CLGN: variants seen among roughly 807,000 people sequenced by gnomAD.
The protein encoded by CLGN is testis tissue sperm-binding protein Li 79P.
Under a neutral mutation model 79.1 loss-of-function variants are expected in CLGN, and 62 were observed. That is an observed-to-expected ratio of 0.78 (90% confidence interval 0.64 to 0.97). The LOEUF (loss-of-function observed/expected upper bound fraction) is 0.97, where lower values mean the gene tolerates loss of function less well. Among genes scored for constraint, CLGN ranks in the 50% least tolerant of loss-of-function variants. CLGN has a pLI of 0.00. For synonymous variants in CLGN, 225 were observed against 224.7 expected (o/e 1.00, Z -0.01); for missense variants, 647 against 715.5 (o/e 0.90, Z 1.09).
At chr4:140,397,048 A>C (rs1728904803) in intron 8 of CLGN, among the ~76,000 whole-genome samples, 2 of 150,878 alleles carry the variant, frequency 1.3e-5, no homozygotes, top group South Asian at 4.2e-4. Context: ...AAATTTTACT[A>C]TTATTAATAC....
chr4:140,396,311 C>T, intron 8 of CLGN, 106 bp from the exon 9 acceptor site: 1 of 1,000,640 alleles, frequency 1.0e-6, no homozygotes, highest in South Asian at 1.5e-5. Flanking sequence ...TTTGTTTGTG[C>T]CTGTTATTTG....
intron 10 of CLGN, among the ~76,000 whole-genome samples, chr4:140,394,969 G>T (rs1728843388): frequency 6.6e-6 from 1 of 151,972 alleles, no homozygotes; most frequent in South Asian, 2.1e-4. Context: ...ATCACGGTCA[G>T]GAGTTCGAGA....
rs1466795892 is a variant in CLGN at position 140,395,884 on chromosome 4, T to C, written c.1084A>G (p.Met362Val). The change falls in exon 10 of 15, where the codon ATG becomes GTG. Residue 362 changes from methionine (M) to valine (V), a missense_variant. Transcript: ENST00000325617. ...CCTTTGTATTTTGGGTTATCTATCA[T>C]GGGAGGTTTCCACTCACCACACCCA... ...RIGCGEWKPP[M>V]IDNPKYKGVW... 6.3e-7 allele frequency: 1 copy of C among 1,599,998 alleles called. No homozygotes were observed. Among genetic ancestry groups the C allele is most frequent in the Middle Eastern group, 1.7e-4 (1 of 5,976 alleles).
intron 1 of CLGN, among the ~76,000 whole-genome samples, chr4:140,425,622 C>CTTTTTTT (rs60198755): frequency 1.0e-3 from 100 of 97,174 alleles, no homozygotes; most frequent in Non-Finnish European, 1.3e-3. Flanking sequence ...TTTGTAATTC[C>CTTTTTTT]TTTTTTTTTT....
intron 1 of CLGN, among the ~76,000 whole-genome samples, chr4:140,423,352 T>C (rs72716380): frequency 2.0e-5 from 3 of 152,370 alleles, no homozygotes; most frequent in Non-Finnish European, 2.9e-5. Context: ...GATTTTCTTA[T>C]GTTGAATCAT....
chr4:140,414,989 A>T (rs1480262547), intron 1 of CLGN, among the ~76,000 whole-genome samples: 14 of 151,670 alleles, frequency 9.2e-5, no homozygotes, highest in Non-Finnish European at 2.1e-4. Context: ...CCATCAGACT[A>T]ACAGCGGATC....
chr4:140,390,508 C>T (rs1158460717), intron 14 of CLGN, 120 bp downstream of exon 14: 1 of 536,432 alleles, frequency 1.9e-6, no homozygotes, highest in Non-Finnish European at 3.2e-6. Context: ...AATATAGAGG[C>T]TCTTATAAAA....
intron 11 of CLGN, 150 bp downstream of exon 11, chr4:140,393,676 C>G: frequency 1.5e-6 from 1 of 655,694 alleles, no homozygotes; most frequent in Non-Finnish European, 2.5e-6. Flanking sequence ...AATATTCTGT[C>G]TACATAAACT....
chr4:140,396,938 T>TATATATATATAC (rs1728903078), intron 8 of CLGN, among the ~76,000 whole-genome samples: 1 of 143,722 alleles, frequency 7.0e-6, no homozygotes, highest in Admixed American at 7.3e-5. Flanking sequence ...TATATATATA[T>TATATATATATAC]ACACATAGCT....
At chr4:140,406,658 A>T (rs1364889642) in intron 4 of CLGN, among the ~76,000 whole-genome samples, 1 of 152,226 alleles carries the variant, frequency 6.6e-6, no homozygotes, top group East Asian at 1.9e-4. Context: ...GCAGCAAAGC[A>T]CTGCATAAGT....
At chr4:140,419,969 T>C (rs1482554926) in intron 1 of CLGN, among the ~76,000 whole-genome samples, 5 of 152,160 alleles carry the variant, frequency 3.3e-5, no homozygotes, top group Admixed American at 6.5e-5. Context: ...CCATGTTACA[T>C]AGTAAAAGGC....
intron 4 of CLGN, among the ~76,000 whole-genome samples, chr4:140,407,688 C>G (rs2126626132): frequency 6.6e-6 from 1 of 150,734 alleles, no homozygotes; most frequent in South Asian, 2.1e-4. Context: ...TCATAGATGA[C>G]ACAAACAAAT....
chr4:140,415,606 G>A (rs1222120098), intron 1 of CLGN, among the ~76,000 whole-genome samples: 5 of 150,412 alleles, frequency 3.3e-5, no homozygotes, highest in African/African-American at 1.2e-4. Flanking sequence ...GACAAAGAAG[G>A]CCATTACATA....
At chr4:140,396,268 C>G in intron 8 of CLGN, 63 bp from the exon 9 acceptor site, 7 of 1,241,626 alleles carry the variant, frequency 5.6e-6, no homozygotes, top group Non-Finnish European at 8.2e-6. Flanking sequence ...TGTTACAACA[C>G]TAAGAAGGTA....
chr4:140,414,271 G>C lies in CLGN; in HGVS notation c.-9-1184C>G. On this transcript the variant is annotated intron_variant, in intron 1 of 14. Coordinates refer to ENST00000325617, the MANE Select transcript of CLGN (RefSeq NM_004362.3). ...GGGGGAAAACAGAACAGAAAAACTG[G>C]AAACTCTAAAAAGCAGAGCGCCTCT... is the stretch of plus-strand genomic sequence containing the variant. Among the ~76,000 whole-genome samples the C allele has an allele frequency of 1.3e-5, 2 of 152,254 alleles. 1 individual carries two copies. Among genetic ancestry groups the C allele is most frequent in the South Asian group, 4.1e-4 (2 of 4,828 alleles).
chr4:140,408,032 A>G (rs1729140820), intron 4 of CLGN, among the ~76,000 whole-genome samples: 1 of 152,126 alleles, frequency 6.6e-6, no homozygotes, highest in Non-Finnish European at 1.5e-5. Flanking sequence ...CAAAATACTT[A>G]CAACTAACTG....
In CLGN at chr4:140,393,961, A is replaced by G. The variant is rs1300040374; in HGVS notation, c.1230T>C (p.Ala410=). 3.1e-6 allele frequency: 5 copies of G among 1,613,688 alleles called. No homozygotes were observed. The East Asian group carries it at 6.7e-5, about 22-fold the overall frequency. Reference sequence around the variant, plus strand: ...TCATAGACCAAAGCTCTAAACCAAGAGCACTGAAAGAAGTCAGAAGAAATG... The same window carrying G: ...TCATAGACCAAAGCTCTAAACCAAGGGCACTGAAAGAAGTCAGAAGAAATG... ...DHPFLLTSFS[A]LGLELWSMTS... is the part of the protein sequence containing the mutation. Residue 410 remains alanine, a synonymous_variant, in exon 11 of 15, where the codon GCT becomes GCC. Coordinates refer to ENST00000325617, the MANE Select transcript of CLGN (RefSeq NM_004362.3).
chr4:140,399,721 A>C (rs1250668696), intron 7 of CLGN, among the ~76,000 whole-genome samples: 1 of 152,186 alleles, frequency 6.6e-6, no homozygotes, highest in Non-Finnish European at 1.5e-5. Context: ...TAGTGGGCTG[A>C]CCAGAGCTCT....
At chr4:140,423,113 T>G (rs1729501841) in intron 1 of CLGN, among the ~76,000 whole-genome samples, 1 of 152,210 alleles carries the variant, frequency 6.6e-6, no homozygotes, top group Non-Finnish European at 1.5e-5. Flanking sequence ...CTTGTCTTAT[T>G]CTAGATCTTA....
Sources: allele counts gnomAD v4.1 joint callset (sites outside exome capture counted in the v4.1 genomes callset), GRCh38; gene constraint gnomAD v4.1.1; transcripts MANE v1.5; gene names NCBI Gene and HGNC (gene_info 2026-07-23, HGNC 2026-07-21).